Variants in PTK7 observed in about 807,000 individuals in gnomAD.
PTK7 encodes protein tyrosine kinase 7 (inactive).
A neutral mutation model predicts 116.6 loss-of-function variants in PTK7; 39 were observed. The observed-to-expected ratio is 0.33, with a 90% CI of 0.26 to 0.44. The LOEUF is 0.44. Among genes scored for constraint, PTK7 ranks in the 20% least tolerant of loss-of-function variants. The probability of loss-of-function intolerance (pLI) is 1.00; values close to 1 mark genes in which losing one functional copy is unlikely to be tolerated. For synonymous variants in PTK7, 546 were observed against 563.6 expected (o/e 0.97, Z 0.44); for missense variants, 1,169 against 1,425.6 (o/e 0.82, Z 2.90).
intron 1 of PTK7, among the ~76,000 whole-genome samples, chr6:43,100,211 G>A (rs1394669899): frequency 1.3e-5 from 2 of 151,930 alleles, no homozygotes; most frequent in Admixed American, 1.3e-4. Flanking sequence ...GTGAAACCCC[G>A]TCTCTACTAA....
intron 1 of PTK7, among the ~76,000 whole-genome samples, chr6:43,118,229 A>G (rs919996145): frequency 4.0e-5 from 6 of 151,518 alleles, no homozygotes; most frequent in Non-Finnish European, 7.4e-5. Context: ...TGAATTTTCA[A>G]TTTTACTTCA....
intron 1 of PTK7, among the ~76,000 whole-genome samples, chr6:43,121,057 T>TC (rs1561958280): frequency 2.8e-5 from 1 of 35,762 alleles, no homozygotes; most frequent in Non-Finnish European, 4.7e-5. Context: ...CATGTTTCTG[T>TC]TTTTTTTTTT....
Position 43,076,782 on chromosome 6 carries a change from C to T in PTK7, c.79+215C>T, listed in dbSNP as rs1766041121. On this transcript the variant is annotated intron_variant, in intron 1 of 19. Transcript: ENST00000230419. The surrounding 1 kb of genome is among the most constrained non-coding windows in gnomAD (Gnocchi z 5.7). ...AGGGACGCGGTCAGGGTACCCCTCC[C>T]ACTCGCGCCGCGGGGACGCATTTCC... The T allele has an allele frequency of 7.1e-7, 1 of 1,406,038 alleles. No homozygotes were observed. Among genetic ancestry groups the T allele is most frequent in the Admixed American group, 3.0e-5 (1 of 33,748 alleles). 87.1% of individuals were successfully genotyped at this position (1,406,038 alleles called of 1,614,324 possible). A position where few individuals can be genotyped will look rare whatever the true frequency, so the allele number is the denominator to read the frequency against.
intron 10 of PTK7, among the ~76,000 whole-genome samples, chr6:43,140,208 G>A (rs1276404683): frequency 6.6e-6 from 1 of 152,198 alleles, no homozygotes; most frequent in Middle Eastern, 3.2e-3. Context: ...CAGCACTGTG[G>A]GAAGCTGAGG....
chr6:43,126,199 A>G (rs1329030708), intron 1 of PTK7, among the ~76,000 whole-genome samples: 2 of 152,138 alleles, frequency 1.3e-5, no homozygotes, highest in African/African-American at 2.4e-5. Flanking sequence ...GCGTAGCTGT[A>G]ATCCCAGCTA....
rs59033917 is a variant in PTK7, at chr6:43,149,059, CAAA to C, written c.2721+2381_2721+2383del. 4.7e-4 allele frequency among the ~76,000 whole-genome samples: 33 copies of C among 69,854 alleles called. No homozygotes were observed. The East Asian group carries it at 6.4e-3, about 13-fold the overall frequency. The allele number at this position is 69,854 out of a possible 152,430, so 45.8% of individuals were successfully genotyped here. The stretch of plus-strand genomic sequence containing the variant: ...GGGAGACAAGAGCAAGACTTTGTCT[CAAA>C]AAAAAAAAAAAAAAAAAAAGAAATG... On this transcript the variant is annotated intron_variant, in intron 17 of 19. Transcript: ENST00000230419.
At position 43,143,324 on chromosome 6, in the gene PTK7, T is replaced by C; in HGVS notation, c.2048-93T>C. On this transcript the variant is annotated intron_variant, in intron 13 of 19. Coordinates refer to ENST00000230419, the MANE Select transcript of PTK7 (RefSeq NM_002821.5). This position sits in a 1 kb window ranked among gnomAD's most constrained non-coding sequence, Gnocchi z 4.2. ...TGACCCTCCCGGGCCATCTGTTAAG[T>C]TGCCCTGTTGATGGGGTTGGGAGGA... 2.3e-6 allele frequency: 3 copies of C among 1,286,488 alleles called. No individual in the cohort carries two copies. Among genetic ancestry groups the C allele is most frequent in the Non-Finnish European group, 3.3e-6 (3 of 918,960 alleles). The allele number at this position is 1,286,488 out of a possible 1,614,324, so 79.7% of individuals were successfully genotyped here. A position where few individuals can be genotyped will look rare whatever the true frequency, so the allele number is the denominator to read the frequency against.
chr6:43,120,466 C>T (rs752557902), intron 1 of PTK7, among the ~76,000 whole-genome samples: 1 of 152,200 alleles, frequency 6.6e-6, no homozygotes, highest in Non-Finnish European at 1.5e-5. Context: ...CACGGGGCTG[C>T]GCCGAGGAAC....
At position 43,161,155 on chromosome 6, in the gene PTK7, A is replaced by C. The variant is rs1033326107; in HGVS notation, c.*274A>C. 2.6e-6 allele frequency: 1 copy of C among 378,818 alleles called. No homozygotes were observed. Among genetic ancestry groups the C allele is most frequent in the African/African-American group, 2.0e-5 (1 of 49,512 alleles). 23.5% of individuals were successfully genotyped at this position (378,818 alleles called of 1,614,324 possible). A position where few individuals can be genotyped will look rare whatever the true frequency, so the allele number is the denominator to read the frequency against. On this transcript the variant is annotated 3_prime_UTR_variant, in exon 20 of 20. Transcript: ENST00000230419. ...CTCTATCAGGGACAGTGTGGGTGCCACAGGTAACCCCAATTTCTGGCCTTC... is the reference window on the plus strand; with the variant it reads ...CTCTATCAGGGACAGTGTGGGTGCCCCAGGTAACCCCAATTTCTGGCCTTC...
chr6:43,111,156 T>A (rs1768174709), intron 1 of PTK7, among the ~76,000 whole-genome samples: 1 of 152,194 alleles, frequency 6.6e-6, no homozygotes, highest in African/African-American at 2.4e-5. Flanking sequence ...TCTGCACCCC[T>A]ATTAGGAATG....
intron 1 of PTK7, among the ~76,000 whole-genome samples, chr6:43,104,546 G>C (rs985634524): frequency 2.0e-5 from 3 of 152,036 alleles, no homozygotes; most frequent in Non-Finnish European, 4.4e-5. Context: ...GAGAAGCTGG[G>C]ATTACAGGCA....
At chr6:43,154,112 G>A (rs976659386) in intron 17 of PTK7, among the ~76,000 whole-genome samples, 2 of 152,190 alleles carry the variant, frequency 1.3e-5, no homozygotes, top group African/African-American at 2.4e-5. Context: ...GCAGTGAGCC[G>A]AGATAGCGCC....
chr6:43,151,863 T>C (rs1167740141), intron 17 of PTK7, among the ~76,000 whole-genome samples: 31 of 110,934 alleles, frequency 2.8e-4, no homozygotes, highest in African/African-American at 9.5e-4. Flanking sequence ...TTTTTTTTAT[T>C]TGAGGCAGTC....
chr6:43,153,354 C>T (rs1325653887), intron 17 of PTK7, among the ~76,000 whole-genome samples: 1 of 151,836 alleles, frequency 6.6e-6, no homozygotes, highest in Admixed American at 6.6e-5. Context: ...ACCTTGTGAT[C>T]TGCCTGCCTT....
chr6:43,160,546 A>G (rs1478557189), intron 19 of PTK7, among the ~76,000 whole-genome samples, 175 bp from the exon 20 acceptor site: 1 of 152,166 alleles, frequency 6.6e-6, no homozygotes, highest in African/African-American at 2.4e-5. Context: ...TACCAGCCAG[A>G]GTGAGTGGGG....
chr6:43,157,473 G>T (rs1168900551), intron 17 of PTK7, among the ~76,000 whole-genome samples: 1 of 137,376 alleles, frequency 7.3e-6, no homozygotes, highest in African/African-American at 2.7e-5. Context: ...GCCTCCCAAA[G>T]TGCTGGGATT....
Position 43,142,526 on chromosome 6 carries a change from G to T in PTK7, c.2047+227G>T, listed in dbSNP as rs552595041. Reference sequence around the variant, plus strand: ...CGGTGTGTGTGTGTGTGTGTTGTGGGGGAGTGGGGGGGTGTTCTCTTCCTA... The same window carrying T: ...CGGTGTGTGTGTGTGTGTGTTGTGGTGGAGTGGGGGGGTGTTCTCTTCCTA... On this transcript the variant is annotated intron_variant, in intron 13 of 19. Transcript: ENST00000230419. 6.0e-5 allele frequency: 42 copies of T among 699,496 alleles called. No homozygotes were observed. In the African/African-American group the frequency reaches 7.2e-4, roughly 12 times the overall value. 43.3% of individuals were successfully genotyped at this position (699,496 alleles called of 1,614,324 possible). A position where few individuals can be genotyped will look rare whatever the true frequency, so the allele number is the denominator to read the frequency against.
In PTK7 at chr6:43,076,816, T is replaced by C; in HGVS notation, c.79+249T>C. ...CGCGGGGACGCATTTCCAGCCTCCC[T>C]GAGTTTTTCTGGTCTGAGCCGAGAG... On this transcript the variant is annotated intron_variant, in intron 1 of 19. Transcript: ENST00000230419. The surrounding 1 kb of genome is among the most constrained non-coding windows in gnomAD (Gnocchi z 5.7). 7.1e-7 allele frequency: 1 copy of C among 1,410,252 alleles called. No individual in the cohort carries two copies. Among genetic ancestry groups the C allele is most frequent in the Non-Finnish European group, 9.3e-7 (1 of 1,080,880 alleles). The allele number at this position is 1,410,252 out of a possible 1,614,324, so 87.4% of individuals were successfully genotyped here.
chr6:43,116,649 T>TGCGCGCGC (rs1212265599), intron 1 of PTK7, among the ~76,000 whole-genome samples: 8 of 73,570 alleles, frequency 1.1e-4, no homozygotes, highest in African/African-American at 5.9e-4. Flanking sequence ...TGTGTGTGTG[T>TGCGCGCGC]GTGCGCGCGC....
Sources: gnomAD v4.1 joint callset for allele counts (sites outside exome capture counted in the v4.1 genomes callset) on GRCh38, gnomAD v4.1.1 for gene constraint, Gnocchi (gnomAD v3.1) non-coding constraint, MANE v1.5 for transcripts, NCBI Gene and HGNC (gene_info 2026-07-23, HGNC 2026-07-21) for gene names.